The following CWC15 variants were observed in gnomAD, a reference collection of about 807,000 sequenced individuals.
The protein encoded by CWC15 is CWC15 spliceosome associated protein.
CWC15 carries 12 observed loss-of-function variants against 28.4 expected under a neutral mutation model. That is an observed-to-expected ratio of 0.42 (90% CI 0.27 to 0.69). CWC15 has a LOEUF of 0.69. Ranked by LOEUF, CWC15 falls within the 30% of genes least tolerant of loss-of-function variation. The pLI is 0.23. For synonymous variants in CWC15, 92 were observed against 88.4 expected (o/e 1.04, Z -0.23); for missense variants, 192 against 271.5 (o/e 0.71, Z 2.06).
At chr11:94,965,696 C>T (rs782604928) in intron 6 of CWC15, among the ~76,000 whole-genome samples, 6 of 152,188 alleles carry the variant, frequency 3.9e-5, no homozygotes, top group African/African-American at 7.2e-5. Flanking sequence ...ACCTTGGGCG[C>T]GGGATCTTTA....
chr11:94,968,427 T>C (rs1292940980), intron 5 of CWC15, among the ~76,000 whole-genome samples: 3 of 152,340 alleles, frequency 2.0e-5, no homozygotes, highest in South Asian at 2.1e-4. Flanking sequence ...AGATATTAGA[T>C]GAAACTCACA....
intron 5 of CWC15, among the ~76,000 whole-genome samples, chr11:94,969,134 C>CT (rs1189283131): frequency 2.0e-5 from 3 of 152,150 alleles, no homozygotes; most frequent in Admixed American, 2.0e-4. Flanking sequence ...ACTCAACCTC[C>CT]TTTTTTATTT....
At chr11:94,973,056 G>T (rs1330927971) in intron 1 of CWC15, among the ~76,000 whole-genome samples, 182 of 150,854 alleles carry the variant, frequency 1.2e-3, no homozygotes, top group Non-Finnish European at 2.2e-3. Context: ...TTGGGGGGGG[G>T]GCGATGCTAA....
At chr11:94,968,988 A>T (rs1857682742) in intron 5 of CWC15, among the ~76,000 whole-genome samples, 1 of 152,220 alleles carries the variant, frequency 6.6e-6, no homozygotes, top group Non-Finnish European at 1.5e-5. Flanking sequence ...CATGTTCAAA[A>T]CAGAACTCAT....
In CWC15 at chr11:94,966,338, T is replaced by A. The variant is rs1391631754; in HGVS notation, c.517A>T (p.Thr173Ser). 9.0e-6 allele frequency: 14 copies of A among 1,555,404 alleles called. No individual in the cohort carries two copies. The highest frequency in any genetic ancestry group is 1.2e-5 in the Non-Finnish European group (14 of 1,146,848). The change falls in exon 6 of 7, where the codon ACT (threonine) becomes TCT (serine). Residue 173 changes from threonine (T) to serine (S), a missense_variant. By Grantham distance (58) the Thr-to-Ser change is moderately conservative (BLOSUM62 1). This residue lies in a region of CWC15 where 188 missense variants were observed against 250.3 expected (regional missense o/e 0.75). Coordinates refer to ENST00000279839, the MANE Select transcript of CWC15 (RefSeq NM_016403.4). ...TTGGCCTGAGGCTGGGATGGGCCAG[T>A]GAGATTAAGGAGAGGGTTTCCGCTC... Reference protein sequence around the residue: ...ILSGNPLLNLTGPSQPQANFK... With the variant: ...ILSGNPLLNLSGPSQPQANFK...
chr11:94,966,366 A>C lies in CWC15; in HGVS notation c.489T>G (p.Ile163Met), dbSNP rs1555095296. 2 of 1,558,154 alleles carry C rather than the reference A, an allele frequency of 1.3e-6. No homozygotes were observed. Among genetic ancestry groups the C allele is most frequent in the East Asian group, 2.4e-5 (1 of 41,954 alleles). Residue 163 changes from isoleucine to methionine, a missense_variant, in exon 6 of 7, where the codon ATT (isoleucine) becomes ATG (methionine). This residue lies in a region of CWC15 where 188 missense variants were observed against 250.3 expected (regional missense o/e 0.75). Transcript: ENST00000279839. Reference sequence around the variant, plus strand: ...GATTAAGGAGAGGGTTTCCGCTCAGAATGTTTTCCATACGAATCCTCTCTT... The same window carrying C: ...GATTAAGGAGAGGGTTTCCGCTCAGCATGTTTTCCATACGAATCCTCTCTT... ...AEEERIRMEN[I>M]LSGNPLLNLT...
At position 94,966,309 on chromosome 11, in the gene CWC15, G is replaced by T. The variant is rs1555095264; in HGVS notation, c.546C>A (p.Phe182Leu). Residue 182 changes from phenylalanine to leucine, a missense_variant, in exon 6 of 7, where the codon TTC becomes TTA. Physicochemically the swap from Phe to Leu is conservative, Grantham distance 22 (BLOSUM62 0). This residue lies in a region of CWC15 where 188 missense variants were observed against 250.3 expected (regional missense o/e 0.75). Coordinates refer to ENST00000279839, the MANE Select transcript of CWC15 (RefSeq NM_016403.4). ...CTGTATAGTACCTTCTTTTAACTTT[G>T]AAGTTGGCCTGAGGCTGGGATGGGC... ...LTGPSQPQAN[F>L]KVKRRWDDDV... 1 of 1,547,342 alleles carries T rather than the reference G, an allele frequency of 6.5e-7. No homozygotes were observed. The highest frequency in any genetic ancestry group is 8.8e-7 in the Non-Finnish European group (1 of 1,142,280).
intron 6 of CWC15, among the ~76,000 whole-genome samples, chr11:94,965,279 C>T (rs1857622825): frequency 6.6e-6 from 1 of 152,242 alleles, no homozygotes; most frequent in African/African-American, 2.4e-5. Context: ...AAAAATTAAG[C>T]ACTGTGGTTC....
At position 94,963,333 on chromosome 11, in the gene CWC15, T is replaced by G; in HGVS notation, c.*52A>C. On this transcript the variant is annotated 3_prime_UTR_variant, in exon 7 of 7. Transcript: ENST00000279839. ...AGAAAAAAAAAACTCATAAAAAAAG[T>G]CAGAATGATCCTTTACGTTTTACAG... The G allele has an allele frequency of 7.1e-7, 1 of 1,400,360 alleles. No homozygotes were observed. The highest frequency in any genetic ancestry group is 9.4e-7 in the Non-Finnish European group (1 of 1,060,704). 86.7% of individuals were successfully genotyped at this position (1,400,360 alleles called of 1,614,324 possible). A position where few individuals can be genotyped will look rare whatever the true frequency, so the allele number is the denominator to read the frequency against.
At chr11:94,966,854 G>A (rs1232320523) in intron 5 of CWC15, among the ~76,000 whole-genome samples, 1 of 152,018 alleles carries the variant, frequency 6.6e-6, no homozygotes, top group African/African-American at 2.4e-5. Flanking sequence ...ATACCTAACT[G>A]TGATTAATTT....
At position 94,971,377 on chromosome 11, in the gene CWC15, C is replaced by A; in HGVS notation, c.242G>T (p.Arg81Leu). 6 of 1,606,492 alleles carry A rather than the reference C, an allele frequency of 3.7e-6. No individual in the cohort carries two copies. The highest frequency in any genetic ancestry group is 5.1e-6 in the Non-Finnish European group (6 of 1,174,808). Residue 81 changes from arginine (R) to leucine (L), a missense_variant and splice_region_variant, in exon 3 of 7, where the codon CGA (arginine) becomes CTA (leucine). This residue lies in a region of CWC15 where 188 missense variants were observed against 250.3 expected (regional missense o/e 0.75). Coordinates refer to ENST00000279839, the MANE Select transcript of CWC15 (RefSeq NM_016403.4). ...AATGTCTTGGATAGTGTTGGTACCT[C>A]GGGTTGGACGATCCCTATTTTTCTC... ...AREKNRDRPT[R>L]EHTTSSSVSK...
chr11:94,963,455 T>A lies in CWC15; in HGVS notation c.620A>T (p.Asp207Val). Residue 207 changes from aspartate to valine, a missense_variant, in exon 7 of 7, where the codon GAC becomes GTC. This residue lies in a region of CWC15 where 188 missense variants were observed against 250.3 expected (regional missense o/e 0.75). Coordinates refer to ENST00000279839, the MANE Select transcript of CWC15 (RefSeq NM_016403.4). ...CAGTGTGTCATTTACAAATCTTTTG[T>A]CTTTCTTCTGGTCATCTACACCTTT... ...CAKGVDDQKKDKRFVNDTLRS... is the reference protein window; with the variant it reads ...CAKGVDDQKKVKRFVNDTLRS... 6.3e-7 allele frequency: 1 copy of A among 1,583,346 alleles called. No individual in the cohort carries two copies. Among genetic ancestry groups the A allele is most frequent in the Non-Finnish European group, 8.6e-7 (1 of 1,162,636 alleles).
At chr11:94,966,980 C>T (rs1407938144) in intron 5 of CWC15, among the ~76,000 whole-genome samples, 1 of 151,886 alleles carries the variant, frequency 6.6e-6, no homozygotes, top group Non-Finnish European at 1.5e-5. Flanking sequence ...AAATTATATC[C>T]AGTTAACATG....
chr11:94,967,788 C>G (rs1857666211), intron 5 of CWC15, among the ~76,000 whole-genome samples: 1 of 152,106 alleles, frequency 6.6e-6, no homozygotes, highest in Admixed American at 6.5e-5. Context: ...GAACTTAAAT[C>G]AGGAACTATA....
At chr11:94,966,222 C>G (rs1194865037) in intron 6 of CWC15, 73 bp downstream of exon 6, 1 of 738,946 alleles carries the variant, frequency 1.4e-6, no homozygotes, top group Non-Finnish European at 2.1e-6. Flanking sequence ...TACACATACA[C>G]ATATACACAC....
intron 5 of CWC15, among the ~76,000 whole-genome samples, chr11:94,967,041 CTGAG>C (rs1286394492): frequency 4.0e-5 from 5 of 124,124 alleles, no homozygotes; most frequent in Non-Finnish European, 7.9e-5. Context: ...TATTGTCTTA[CTGAG>C]TTTTTCTTTT....
intron 5 of CWC15, among the ~76,000 whole-genome samples, chr11:94,969,469 C>G (rs1955545251): frequency 6.6e-6 from 1 of 152,200 alleles, no homozygotes; most frequent in African/African-American, 2.4e-5. Context: ...AGTTTCACCT[C>G]TTATTATCAC....
chr11:94,965,187 A>C (rs1419478791), intron 6 of CWC15, among the ~76,000 whole-genome samples: 1 of 151,900 alleles, frequency 6.6e-6, no homozygotes, highest in African/African-American at 2.4e-5. Context: ...TCACTCCAGA[A>C]GGGAAAGCAG....
At chr11:94,971,548 A>T in intron 2 of CWC15, 61 bp from the exon 3 acceptor site, 1 of 965,778 alleles carries the variant, frequency 1.0e-6, no homozygotes, top group Middle Eastern at 2.1e-4. Flanking sequence ...ACACACACAG[A>T]GACTGTAGTA....
Sources: allele counts gnomAD v4.1 joint callset (sites outside exome capture counted in the v4.1 genomes callset), GRCh38; gene constraint gnomAD v4.1.1; regional missense constraint gnomAD v4.1.1; transcripts MANE v1.5; gene names NCBI Gene and HGNC (gene_info 2026-07-23, HGNC 2026-07-21).